STXBP2: variants seen among roughly 807,000 people sequenced by gnomAD.
STXBP2 encodes the protein syntaxin binding protein 2.
Under a neutral mutation model 72.2 loss-of-function variants are expected in STXBP2, and 47 were observed. The observed-to-expected ratio is 0.65, with a 90% CI of 0.51 to 0.83. The LOEUF is 0.83. Ranked by LOEUF, STXBP2 falls within the 40% of genes least tolerant of loss-of-function variation. STXBP2 has a pLI of 0.00. For missense variants in STXBP2, 702 were observed against 807.6 expected, an observed-to-expected ratio of 0.87 and a Z score of 1.58; for synonymous variants, 367 against 338.7, an observed-to-expected ratio of 1.08 and a Z score of -0.92.
intron 4 of STXBP2, chr19:7,640,008 G>C (rs1454095595): frequency 1.5e-6 from 1 of 683,932 alleles, no homozygotes; most frequent in Admixed American, 2.1e-5. Flanking sequence ...GTCTATGTAT[G>C]TGTCTGTGTG....
At chr19:7,641,097 G>T in intron 6 of STXBP2, 94 bp downstream of exon 6, 3 of 1,306,898 alleles carry the variant, frequency 2.3e-6, no homozygotes, top group Non-Finnish European at 3.2e-6. Context: ...GGGCGCAGTG[G>T]CTCATACCTG....
At chr19:7,630,990 C>T in the STXBP2 span, 1 of 1,093,606 alleles carries the variant, frequency 9.1e-7, no homozygotes, top group Non-Finnish European at 1.3e-6. Flanking sequence ...GGGTAGATCA[C>T]TTGAGGTCAG....
At position 7,647,261 on chromosome 19, in the gene STXBP2, GCCGCCC is replaced by G. The variant is rs1440731495; in HGVS notation, c.1538+21_1538+26del. 1.2e-6 allele frequency: 2 copies of G among 1,610,222 alleles called. No individual in the cohort carries two copies. The highest frequency in any genetic ancestry group is 2.7e-5 in the African/African-American group (2 of 74,864). On this transcript the variant is annotated intron_variant, in intron 17 of 18. Coordinates refer to ENST00000221283, the MANE Select transcript of STXBP2 (RefSeq NM_006949.4). ...GGCCGCTGTCAGGTGAGGCCCCGGG[GCCGCCC>G]CCGCCCACGCCTGGGTCTGTGTTAG...
At chr19:7,630,666 A>C in the STXBP2 span, 2 of 1,536,586 alleles carry the variant, frequency 1.3e-6, no homozygotes, top group South Asian at 2.4e-5. Flanking sequence ...CAAGGTGGGC[A>C]TAAGAGGAGT....
rs2032183518 is a variant in STXBP2 at position 7,647,442 on chromosome 19, G to T, written c.1627G>T (p.Ala543Ser). The change falls in exon 18 of 19, where the codon GCC (alanine) becomes TCC (serine). Residue 543 changes from alanine to serine, a missense_variant. Coordinates refer to ENST00000221283, the MANE Select transcript of STXBP2 (RefSeq NM_006949.4). The stretch of plus-strand genomic sequence containing the variant: ...CATCGTGTATGTCATGGGCGGTGTG[G>T]CCATGTCAGAGATGAGGGCCGCCTA... ...RLIVYVMGGV[A>S]MSEMRAAYEV... The T allele has an allele frequency of 1.2e-6, 2 of 1,613,274 alleles. No individual in the cohort carries two copies. Among genetic ancestry groups the T allele is most frequent in the African/African-American group, 2.7e-5 (2 of 74,914 alleles).
At chr19:7,640,174 GT>G (rs2031765451) in intron 4 of STXBP2, 12 of 463,206 alleles carry the variant, frequency 2.6e-5, no homozygotes, top group Non-Finnish European at 4.4e-5. Flanking sequence ...GTGTGTGTGC[GT>G]CTGTCTGTGT....
chr19:7,642,062 C>T lies in STXBP2; in HGVS notation c.607C>T (p.His203Tyr). 6.2e-7 allele frequency: 1 copy of T among 1,614,094 alleles called. No individual in the cohort carries two copies. Residue 203 changes from histidine to tyrosine, a missense_variant, in exon 8 of 19, where the codon CAC becomes TAC. Physicochemically the swap from His to Tyr is moderately conservative, Grantham distance 83. Transcript: ENST00000221283. This position sits in a 1 kb window ranked among gnomAD's most constrained non-coding sequence, Gnocchi z 6.0. ...KGPEDTAQLAHAVLAKLNAFK... is the reference protein window; with the variant it reads ...KGPEDTAQLAYAVLAKLNAFK... The stretch of plus-strand genomic sequence containing the variant: ...CCCAGAGGACACAGCCCAGTTGGCC[C>T]ACGCCGTCCTGGCCAAGCTGAACGC...
upstream of STXBP2, among the ~76,000 whole-genome samples, chr19:7,635,395 G>A (rs547250547): frequency 1.1e-4 from 17 of 152,314 alleles, no homozygotes; most frequent in African/African-American, 4.1e-4. Flanking sequence ...CAGTAAAGCT[G>A]TTACAAAAGG....
At chr19:7,631,256 AG>A in the STXBP2 span, 1 of 1,402,020 alleles carries the variant, frequency 7.1e-7, no homozygotes, top group Non-Finnish European at 9.3e-7. Context: ...CCGAGAGCAG[AG>A]GAGTAGATGG....
At chr19:7,640,529 T>C in intron 4 of STXBP2, 1 of 699,730 alleles carries the variant, frequency 1.4e-6, no homozygotes, top group East Asian at 2.7e-5. Context: ...TGCATGCGTG[T>C]GTATGTGTGT....
In STXBP2 at chr19:7,647,832, C is replaced by T; in HGVS notation, c.*22C>T. ...CTGACCCCTGGCCCCGCCCCCTACC[C>T]CTCCCTTTCCAGAGAAATAAACTCT... On this transcript the variant is annotated 3_prime_UTR_variant, in exon 19 of 19. Coordinates refer to ENST00000221283, the MANE Select transcript of STXBP2 (RefSeq NM_006949.4). The T allele has an allele frequency of 6.3e-7, 1 of 1,591,974 alleles. No homozygotes were observed. Among genetic ancestry groups the T allele is most frequent in the African/African-American group, 1.3e-5 (1 of 74,314 alleles).
At chr19:7,631,336 G>A in the STXBP2 span, 8 of 1,399,508 alleles carry the variant, frequency 5.7e-6, no homozygotes, top group South Asian at 1.1e-4. Flanking sequence ...TTGGCAGGGG[G>A]CTTCCAGTGA....
chr19:7,644,574 A>G (rs1435589525), intron 13 of STXBP2, 40 bp from the exon 14 acceptor site: 40 of 1,606,786 alleles, frequency 2.5e-5, no homozygotes, highest in Non-Finnish European at 3.3e-5. Context: ...CCCTTCCCTG[A>G]CACATAGCGG....
At position 7,642,906 on chromosome 19, in the gene STXBP2, G is replaced by A. The variant is rs972867406; in HGVS notation, c.961-77G>A. On this transcript the variant is annotated intron_variant, in intron 11 of 18. Transcript: ENST00000221283. The surrounding 1 kb of genome is among the most constrained non-coding windows in gnomAD (Gnocchi z 6.0). Reference sequence around the variant, plus strand: ...GGCGCAGGGCCACAGCCTGGATTTCGAGCCTGGACTGAGACCCAGGTGGGC... The same window carrying A: ...GGCGCAGGGCCACAGCCTGGATTTCAAGCCTGGACTGAGACCCAGGTGGGC... The A allele has an allele frequency of 1.2e-5, 19 of 1,612,742 alleles. No homozygotes were observed. Among genetic ancestry groups the A allele is most frequent in the Middle Eastern group, 1.6e-4 (1 of 6,072 alleles).
rs1334853278 is a variant in STXBP2, at chr19:7,642,713, T to C, written c.903-53T>C. The C allele has an allele frequency of 6.3e-7, 1 of 1,593,070 alleles. No homozygotes were observed. Among genetic ancestry groups the C allele is most frequent in the Non-Finnish European group, 8.6e-7 (1 of 1,162,990 alleles). On this transcript the variant is annotated intron_variant, in intron 10 of 18. Coordinates refer to ENST00000221283, the MANE Select transcript of STXBP2 (RefSeq NM_006949.4). The surrounding 1 kb of genome is among the most constrained non-coding windows in gnomAD (Gnocchi z 6.0). ...TGTCCCCCCTGAGTGGGCTCACCCA[T>C]GGCCTGTGGCTCCTCTCCCCTCACT...
rs2032181766 is a variant in STXBP2 at position 7,647,410 on chromosome 19, C to T, written c.1595C>T (p.Pro532Leu). 1 of 1,613,448 alleles carries T rather than the reference C, an allele frequency of 6.2e-7. No homozygotes were observed. Among genetic ancestry groups the T allele is most frequent in the South Asian group, 1.1e-5 (1 of 91,092 alleles). The change falls in exon 18 of 19, where the codon CCC becomes CTC. Residue 532 changes from proline to leucine, a missense_variant. Transcript: ENST00000221283. ...GCTGGCATAGAAGCCCGGGCGGGCC[C>T]CCGGCTCATCGTGTATGTCATGGGC... ...NKAGIEARAG[P>L]RLIVYVMGGV...
chr19:7,631,744 G>T, the STXBP2 span: 3 of 1,447,694 alleles, frequency 2.1e-6, no homozygotes, highest in Non-Finnish European at 2.7e-6. Flanking sequence ...GCCGAGAGCG[G>T]TCGGGTCCTG....
At chr19:7,631,951 C>T (rs2031329608), upstream of STXBP2, 3 of 844,240 alleles carry the variant, frequency 3.6e-6, no homozygotes, top group African/African-American at 3.5e-5. Flanking sequence ...CAATATCTGC[C>T]ATTTAGGGTG....
chr19:7,634,652 G>A (rs1441999764), upstream of STXBP2, among the ~76,000 whole-genome samples: 5 of 152,220 alleles, frequency 3.3e-5, no homozygotes, highest in South Asian at 2.1e-4. Context: ...TTACAGGCAT[G>A]AGCCACCATG....
Sources: gnomAD v4.1 joint callset for allele counts (sites outside exome capture counted in the v4.1 genomes callset) on GRCh38, gnomAD v4.1.1 for gene constraint, Gnocchi (gnomAD v3.1) non-coding constraint, MANE v1.5 for transcripts, NCBI Gene and HGNC (gene_info 2026-07-23, HGNC 2026-07-21) for gene names.